The following HEMK2 variants were observed in gnomAD, a reference collection of about 807,000 sequenced individuals.
The protein encoded by HEMK2 is HemK methyltransferase 2, ETF1 glutamine and histone H4 lysine, also known as methyltransferase HEMK2.
At chr21:28,590,286 A>G in the HEMK2 span, among the ~76,000 whole-genome samples, 1 of 152,228 alleles carries the variant, frequency 6.6e-6, no homozygotes, top group Non-Finnish European at 1.5e-5. Flanking sequence ...GAAACTGGAC[A>G]CCAGTGTAAG....
At chr21:28,698,019 G>A in the HEMK2 span, among the ~76,000 whole-genome samples, 1 of 152,112 alleles carries the variant, frequency 6.6e-6, no homozygotes, top group Non-Finnish European at 1.5e-5. Flanking sequence ...ACATGGAAGA[G>A]GTGAACAAGC....
chr21:28,691,012 C>A, the HEMK2 span, among the ~76,000 whole-genome samples: 1 of 152,212 alleles, frequency 6.6e-6, no homozygotes, highest in African/African-American at 2.4e-5. Context: ...TCTCAGATTG[C>A]ATCCCTTTGT....
chr21:28,848,330 T>C, the HEMK2 span, among the ~76,000 whole-genome samples: 1 of 152,062 alleles, frequency 6.6e-6, no homozygotes, highest in Admixed American at 6.5e-5. Flanking sequence ...CTGTAGAAAA[T>C]TCTTATTTTT....
the HEMK2 span, among the ~76,000 whole-genome samples, chr21:28,589,777 T>C: frequency 6.6e-6 from 1 of 152,162 alleles, no homozygotes; most frequent in Non-Finnish European, 1.5e-5. Context: ...AGGTTGATCA[T>C]TACTAATTCA....
chr21:28,809,911 T>C, the HEMK2 span, among the ~76,000 whole-genome samples: 1 of 152,158 alleles, frequency 6.6e-6, no homozygotes, highest in African/African-American at 2.4e-5. Context: ...ATCCAAACCT[T>C]GTAAGGTTAT....
chr21:28,882,403 C>A, the HEMK2 span, among the ~76,000 whole-genome samples: 1 of 151,056 alleles, frequency 6.6e-6, no homozygotes, highest in Non-Finnish European at 1.5e-5. Flanking sequence ...AAAAAGAGAA[C>A]AAGGATTTGT....
At chr21:28,599,816 T>G in the HEMK2 span, among the ~76,000 whole-genome samples, 1 of 152,182 alleles carries the variant, frequency 6.6e-6, no homozygotes, top group South Asian at 2.1e-4. Flanking sequence ...AATACACCCA[T>G]TCCAAATGAA....
chr21:28,841,009 T>C, the HEMK2 span, among the ~76,000 whole-genome samples: 9 of 114,592 alleles, frequency 7.9e-5, no homozygotes, highest in Non-Finnish European at 6.8e-5. Context: ...ATATATTATA[T>C]ATATAATATA....
At chr21:28,820,566 C>T in the HEMK2 span, among the ~76,000 whole-genome samples, 1 of 152,142 alleles carries the variant, frequency 6.6e-6, no homozygotes, top group Admixed American at 6.5e-5. Flanking sequence ...ATCTCCATTC[C>T]CCCTAAGAAA....
At chr21:28,809,450 G>T in the HEMK2 span, among the ~76,000 whole-genome samples, 1 of 152,054 alleles carries the variant, frequency 6.6e-6, no homozygotes, top group Non-Finnish European at 1.5e-5. Context: ...CCAAAGAAAG[G>T]TTGAGCTCTG....
the HEMK2 span, among the ~76,000 whole-genome samples, chr21:28,756,384 T>A: frequency 2.0e-5 from 3 of 152,304 alleles, no homozygotes; most frequent in South Asian, 4.1e-4. Flanking sequence ...CCATTTACTG[T>A]CACTTCAGGC....
At chr21:28,602,623 A>C in the HEMK2 span, among the ~76,000 whole-genome samples, 1 of 152,220 alleles carries the variant, frequency 6.6e-6, no homozygotes, top group Admixed American at 6.5e-5. Flanking sequence ...CCTTCAGGAA[A>C]CAAGGTCTAG....
chr21:28,850,978 C>CA, the HEMK2 span, among the ~76,000 whole-genome samples: 1 of 90,858 alleles, frequency 1.1e-5, no homozygotes, highest in Non-Finnish European at 2.1e-5. Flanking sequence ...TGCCCAGATG[C>CA]ATATATACCA....
chr21:28,864,851 A>ATAGAT, the HEMK2 span, among the ~76,000 whole-genome samples: 1 of 136,222 alleles, frequency 7.3e-6, no homozygotes, highest in Admixed American at 7.5e-5. Context: ...AGATAGATAG[A>ATAGAT]TAGATAGATA....
At chr21:28,844,476 G>GTA in the HEMK2 span, among the ~76,000 whole-genome samples, 1 of 152,050 alleles carries the variant, frequency 6.6e-6, no homozygotes. Context: ...ATCACTACAG[G>GTA]TCAATAGGTA....
the HEMK2 span, among the ~76,000 whole-genome samples, chr21:28,845,500 T>G: frequency 6.6e-6 from 1 of 152,136 alleles, no homozygotes; most frequent in African/African-American, 2.4e-5. Context: ...CTTATGTTTA[T>G]ACACTCACTA....
chr21:28,866,420 G>A, the HEMK2 span, among the ~76,000 whole-genome samples: 1 of 145,068 alleles, frequency 6.9e-6, no homozygotes, highest in East Asian at 2.0e-4. Context: ...CTGCACTCCA[G>A]CCTTGGTAAC....
the HEMK2 span, among the ~76,000 whole-genome samples, chr21:28,760,104 A>G: frequency 2.0e-5 from 3 of 152,294 alleles, no homozygotes; most frequent in East Asian, 5.8e-4. Flanking sequence ...GCAATTGTCC[A>G]AGGCATCTTA....
the HEMK2 span, among the ~76,000 whole-genome samples, chr21:28,622,159 AT>A: frequency 6.6e-6 from 1 of 152,186 alleles, no homozygotes; most frequent in Non-Finnish European, 1.5e-5. Context: ...ATGTGCAAAA[AT>A]TACAAGCATT....
Sources: allele counts gnomAD v4.1 joint callset (sites outside exome capture counted in the v4.1 genomes callset), GRCh38; gene constraint gnomAD v4.1.1; transcripts MANE v1.5; gene names NCBI Gene and HGNC (gene_info 2026-07-23, HGNC 2026-07-21).